The following F13A1 variants were observed in gnomAD, a reference collection of about 807,000 sequenced individuals.
F13A1 encodes the protein FSF, A subunit.
Under a neutral mutation model 80.1 loss-of-function variants are expected in F13A1, and 47 were observed. The ratio of observed to expected loss-of-function variants is 0.59; its 90% CI spans 0.46 to 0.75. The LOEUF is 0.75. Among genes scored for constraint, F13A1 ranks in the 30% least tolerant of loss-of-function variants. The pLI is 0.00. For missense variants in F13A1, 817 were observed against 930.4 expected, an observed-to-expected ratio of 0.88 and a Z score of 1.59; for synonymous variants, 349 against 344.9, an observed-to-expected ratio of 1.01 and a Z score of -0.13.
chr6:6,229,354 T>C (rs979888419), intron 6 of F13A1, among the ~76,000 whole-genome samples: 1 of 151,974 alleles, frequency 6.6e-6, no homozygotes, highest in African/African-American at 2.4e-5. Flanking sequence ...AATCATACCA[T>C]TACAGAGCTA....
intron 13 of F13A1, among the ~76,000 whole-genome samples, chr6:6,156,990 A>G (rs1278797595): frequency 6.6e-6 from 1 of 152,202 alleles, no homozygotes; most frequent in African/African-American, 2.4e-5. Context: ...TAGATGAGGA[A>G]ACTGAGGCAC....
intron 8 of F13A1, among the ~76,000 whole-genome samples, chr6:6,221,015 G>T (rs1434181472): frequency 1.3e-5 from 2 of 152,176 alleles, no homozygotes; most frequent in East Asian, 3.8e-4. Context: ...AAATGAACTT[G>T]TAACTTCCTA....
In F13A1 at chr6:6,281,362, A is replaced by T. The variant is rs79324196; in HGVS notation, c.320-14553T>A. On this transcript the variant is annotated intron_variant, in intron 3 of 14. Transcript: ENST00000264870. ...TACAGTCTCAATGTAATTTCTTCTA[A>T]GACCTTTCCAGATCCCAGGCCCAGT... Among the ~76,000 whole-genome samples, 1,172 of 152,242 alleles carry T rather than the reference A, an allele frequency of 7.7e-3. 17 individuals are homozygous for T. Among genetic ancestry groups the T allele is most frequent in the African/African-American group, 0.026 (1,087 of 41,534 alleles).
intron 11 of F13A1, 36 bp from the exon 12 acceptor site, chr6:6,174,903 A>G (rs756634845): frequency 1.9e-6 from 3 of 1,613,094 alleles, no homozygotes; most frequent in Middle Eastern, 1.7e-4. Context: ...AGGCAAAAAT[A>G]CAATCCACCA....
intron 13 of F13A1, among the ~76,000 whole-genome samples, chr6:6,163,005 C>T (rs1254397310): frequency 2.0e-5 from 3 of 152,260 alleles, no homozygotes; most frequent in Non-Finnish European, 4.4e-5. Flanking sequence ...AGAAGAGAGG[C>T]GTTTAATAAT....
intron 3 of F13A1, among the ~76,000 whole-genome samples, chr6:6,281,985 C>T (rs956429133): frequency 2.6e-4 from 28 of 106,158 alleles, no homozygotes; most frequent in Non-Finnish European, 3.7e-4. Flanking sequence ...CAGAGTGAGA[C>T]TCCGTCTCAA....
chr6:6,251,825 T>G (rs1299003368), intron 4 of F13A1, among the ~76,000 whole-genome samples: 1 of 152,190 alleles, frequency 6.6e-6, no homozygotes, highest in Non-Finnish European at 1.5e-5. Flanking sequence ...AATAATTCGT[T>G]AAGAAGAGAA....
At position 6,151,803 on chromosome 6, in the gene F13A1, C is replaced by G; in HGVS notation, c.2045+10G>C. The G allele has an allele frequency of 6.2e-7, 1 of 1,614,030 alleles. No individual in the cohort carries two copies. Among genetic ancestry groups the G allele is most frequent in the Non-Finnish European group, 8.5e-7 (1 of 1,179,934 alleles). On this transcript the variant is annotated intron_variant, in intron 14 of 14. Coordinates refer to ENST00000264870, the MANE Select transcript of F13A1 (RefSeq NM_000129.4). ...CACTGCCTGCCCGGTCTCCCCAACC[C>G]AAGGTTTACCGGAACATCTTCTTCA...
intron 13 of F13A1, among the ~76,000 whole-genome samples, chr6:6,156,687 T>A (rs961378484): frequency 6.6e-5 from 10 of 152,308 alleles, no homozygotes; most frequent in Middle Eastern, 6.8e-3. Context: ...TACTGACCAA[T>A]GCTAATGGTT....
chr6:6,307,182 G>T (rs902651802), intron 2 of F13A1, among the ~76,000 whole-genome samples: 3 of 152,116 alleles, frequency 2.0e-5, no homozygotes, highest in Non-Finnish European at 2.9e-5. Flanking sequence ...GCTTACTGTG[G>T]CTCACTGCCC....
At chr6:6,317,621 A>T (rs763770446) in intron 2 of F13A1, among the ~76,000 whole-genome samples, 1 of 152,050 alleles carries the variant, frequency 6.6e-6, no homozygotes, top group East Asian at 1.9e-4. Flanking sequence ...AGCTGCATCA[A>T]TCTGGGCTTT....
intron 8 of F13A1, among the ~76,000 whole-genome samples, chr6:6,200,521 A>G (rs1336609657): frequency 6.6e-6 from 1 of 150,396 alleles, no homozygotes; most frequent in Non-Finnish European, 1.5e-5. Flanking sequence ...ACTGCACTCC[A>G]TCCTGGAAGA....
intron 7 of F13A1, among the ~76,000 whole-genome samples, chr6:6,222,413 T>G (rs1229933567): frequency 6.6e-6 from 1 of 152,116 alleles, no homozygotes; most frequent in Non-Finnish European, 1.5e-5. Flanking sequence ...CCAACTAGAG[T>G]AGAATCCCAA....
chr6:6,308,392 T>G (rs1758542647), intron 2 of F13A1, among the ~76,000 whole-genome samples: 1 of 152,084 alleles, frequency 6.6e-6, no homozygotes, highest in African/African-American at 2.4e-5. Flanking sequence ...TATTTTCCAC[T>G]TTGTCAATTT....
At chr6:6,301,930 G>A (rs1250548934) in intron 3 of F13A1, among the ~76,000 whole-genome samples, 1 of 152,202 alleles carries the variant, frequency 6.6e-6, no homozygotes. Flanking sequence ...TGTCTGCACT[G>A]CAGTTCAACT....
intron 6 of F13A1, among the ~76,000 whole-genome samples, chr6:6,230,893 A>G (rs1414405859): frequency 6.6e-6 from 1 of 152,208 alleles, no homozygotes; most frequent in Non-Finnish European, 1.5e-5. Context: ...AAAGGGGGAG[A>G]GTACTACATC....
At chr6:6,222,940 GC>G (rs1345581527) in intron 7 of F13A1, among the ~76,000 whole-genome samples, 1 of 152,132 alleles carries the variant, frequency 6.6e-6, no homozygotes, top group Non-Finnish European at 1.5e-5. Flanking sequence ...TGATCTTAAT[GC>G]CCCAAACAAC....
At chr6:6,167,353 G>A in intron 13 of F13A1, 105 bp downstream of exon 13, 3 of 1,091,038 alleles carry the variant, frequency 2.7e-6, no homozygotes, top group Admixed American at 4.3e-5. Context: ...TTTTGAGCAG[G>A]ACATTCATTC....
chr6:6,310,337 T>G (rs1165061904), intron 2 of F13A1, among the ~76,000 whole-genome samples: 1 of 152,198 alleles, frequency 6.6e-6, no homozygotes, highest in Non-Finnish European at 1.5e-5. Flanking sequence ...TCTTTGGAGA[T>G]CTGCATTTTT....
Sources: gnomAD v4.1 joint callset for allele counts (sites outside exome capture counted in the v4.1 genomes callset) on GRCh38, gnomAD v4.1.1 for gene constraint, MANE v1.5 for transcripts, NCBI Gene and HGNC (gene_info 2026-07-23, HGNC 2026-07-21) for gene names.